MYPOP: variants seen among roughly 807,000 people sequenced by gnomAD.
The protein encoded by MYPOP is Myb related transcription factor, partner of profilin.
MYPOP carries 21 observed loss-of-function variants against 25.7 expected under a neutral mutation model. The observed-to-expected ratio is 0.82, with a 90% CI of 0.58 to 1.18. The LOEUF is 1.18. Ranked by LOEUF, MYPOP falls within the 50% of genes most tolerant of loss-of-function variation. The pLI is 0.00. For missense variants in MYPOP, 566 were observed against 588.3 expected (o/e 0.96, Z 0.39); for synonymous variants, 280 against 247.9 (o/e 1.13, Z -1.22).
At chr19:45,893,968 T>A (rs555146801) in intron 2 of MYPOP, among the ~76,000 whole-genome samples, 1 of 149,614 alleles carries the variant, frequency 6.7e-6, no homozygotes, top group South Asian at 2.1e-4. Context: ...TTTTTGTATT[T>A]TTAGTAGAGA....
In MYPOP at chr19:45,891,228, C is replaced by T. The variant is rs766567804; in HGVS notation, c.595G>A (p.Glu199Lys). 75 of 1,541,708 alleles carry T rather than the reference C, an allele frequency of 4.9e-5. 2 individuals carry two copies. The South Asian group carries it at 8.1e-4, about 17-fold the overall frequency. ...GCCGAAGGGGGTGGTGACTCACGCT[C>T]CTTGGGCCGTGGGCAGCCCCCTTCC... ...PQEGGCPRPK[E>K]RESPPPSALQ... Residue 199 changes from glutamate (E) to lysine (K), a missense_variant, in exon 3 of 3, where the codon GAG becomes AAG. Coordinates refer to ENST00000322217, the MANE Select transcript of MYPOP (RefSeq NM_001012643.4).
chr19:45,898,809 T>A (rs1322731080), intron 2 of MYPOP, among the ~76,000 whole-genome samples: 2 of 152,190 alleles, frequency 1.3e-5, no homozygotes, highest in Non-Finnish European at 2.9e-5. Flanking sequence ...CCTGTCTGTA[T>A]AGCCCCCTTC....
At chr19:45,891,572 G>A (rs1367321918) in intron 2 of MYPOP, among the ~76,000 whole-genome samples, 1 of 151,904 alleles carries the variant, frequency 6.6e-6, no homozygotes, top group Non-Finnish European at 1.5e-5. Context: ...GAGTAGCTGG[G>A]ATTTCAGGTG....
In MYPOP at chr19:45,901,112, C is replaced by T. The variant is rs139256488; in HGVS notation, c.499+163G>A. On this transcript the variant is annotated intron_variant, in intron 2 of 2. Transcript: ENST00000322217. The surrounding 1 kb of genome is among the most constrained non-coding windows in gnomAD (Gnocchi z 5.7). ...CTGGCTCTTGACAGTTACTAGCTAT[C>T]GGAACTGAGGCAAGTCATTTCATTT... Among the ~76,000 whole-genome samples, 2 of 152,194 alleles carry T rather than the reference C, an allele frequency of 1.3e-5. No individual in the cohort carries two copies. Among genetic ancestry groups the T allele is most frequent in the Non-Finnish European group, 2.9e-5 (2 of 68,036 alleles).
At position 45,901,797 on chromosome 19, in the gene MYPOP, T is replaced by G. The variant is rs1967300569; in HGVS notation, c.-24A>C. ...ATGGCGCCCCCCGACGCCGCCGTCC[T>G]GCCGTCTGGCGCATGGGGGGCGCCG... On this transcript the variant is annotated 5_prime_UTR_variant, in exon 2 of 3. Transcript: ENST00000322217. The surrounding 1 kb of genome is among the most constrained non-coding windows in gnomAD (Gnocchi z 5.7). 7.2e-7 allele frequency: 1 copy of G among 1,384,382 alleles called. No homozygotes were observed. Among genetic ancestry groups the G allele is most frequent in the South Asian group, 1.6e-5 (1 of 61,738 alleles). 85.8% of individuals were successfully genotyped at this position (1,384,382 alleles called of 1,614,324 possible).
At chr19:45,893,022 C>A (rs1568642287) in intron 2 of MYPOP, among the ~76,000 whole-genome samples, 2 of 152,230 alleles carry the variant, frequency 1.3e-5, no homozygotes, top group African/African-American at 4.8e-5. Flanking sequence ...GCCTGTAATC[C>A]CAGCACTTTG....
At position 45,901,321 on chromosome 19, in the gene MYPOP, A is replaced by G. The variant is rs10423899; in HGVS notation, c.453T>C (p.Pro151=). 0.81 allele frequency: 1,179,732 copies of G among 1,459,040 alleles called. 478,006 individuals are homozygous for G. Among genetic ancestry groups the G allele is most frequent in the East Asian group, 1 (39,083 of 39,116 alleles). The allele number at this position is 1,459,040 out of a possible 1,614,324, so 90.4% of individuals were successfully genotyped here. ...GGTCTTCCGACAACACGTAGCGCTG[A>G]GGGCAGGCGCTTGGGGGCGGCGGCT... ...SSQPPPPSAC[P]QRYVLSEDRR... Residue 151 remains proline, a synonymous_variant, in exon 2 of 3, where the codon CCT becomes CCC. Transcript: ENST00000322217. This position sits in a 1 kb window ranked among gnomAD's most constrained non-coding sequence, Gnocchi z 5.7.
chr19:45,891,393 C>G lies in MYPOP; in HGVS notation c.500-70G>C, dbSNP rs529740894. 34 of 1,400,306 alleles carry G rather than the reference C, an allele frequency of 2.4e-5. No individual in the cohort carries two copies. In the African/African-American group the frequency reaches 4.8e-4, roughly 20 times the overall value. 86.7% of individuals were successfully genotyped at this position (1,400,306 alleles called of 1,614,324 possible). On this transcript the variant is annotated intron_variant, in intron 2 of 2. Coordinates refer to ENST00000322217, the MANE Select transcript of MYPOP (RefSeq NM_001012643.4). ...CTGCCTTGATTTCCCCTTTCCCACT[C>G]CTTCCCTCACCTCCCCCCTACCCGA...
chr19:45,891,038 A>C lies in MYPOP; in HGVS notation c.785T>G (p.Phe262Cys), dbSNP rs1967114462. Reference sequence around the variant, plus strand: ...GGCAGTCTCCTGCTGGGCCCGCAGGAAGTCCAGGGAGGGGTCTGAGGCCGA... The same window carrying C: ...GGCAGTCTCCTGCTGGGCCCGCAGGCAGTCCAGGGAGGGGTCTGAGGCCGA... ...TLSASDPSLD[F>C]LRAQQETANA... Residue 262 changes from phenylalanine to cysteine, a missense_variant, in exon 3 of 3, where the codon TTC becomes TGC. Physicochemically the swap from Phe to Cys is radical, Grantham distance 205 (BLOSUM62 -2). Coordinates refer to ENST00000322217, the MANE Select transcript of MYPOP (RefSeq NM_001012643.4). 6.6e-7 allele frequency: 1 copy of C among 1,512,002 alleles called. No homozygotes were observed. Among genetic ancestry groups the C allele is most frequent in the African/African-American group, 1.4e-5 (1 of 70,534 alleles). 93.7% of individuals were successfully genotyped at this position (1,512,002 alleles called of 1,614,324 possible).
chr19:45,898,744 T>G (rs150478688), intron 2 of MYPOP, among the ~76,000 whole-genome samples: 127 of 152,242 alleles, frequency 8.3e-4, no homozygotes, highest in African/African-American at 2.7e-3. Context: ...TCAGGCCTAC[T>G]CTATTCCCAT....
At position 45,892,854 on chromosome 19, in the gene MYPOP, T is replaced by C. The variant is rs547836449; in HGVS notation, c.500-1531A>G. Among the ~76,000 whole-genome samples, 4 of 152,322 alleles carry C rather than the reference T, an allele frequency of 2.6e-5. No individual in the cohort carries two copies. In the South Asian group the frequency reaches 8.3e-4, roughly 32 times the overall value. On this transcript the variant is annotated intron_variant, in intron 2 of 2. Coordinates refer to ENST00000322217, the MANE Select transcript of MYPOP (RefSeq NM_001012643.4). ...GGCTCTCTGCTTCCACCCCTGTCCCTGACAGTATCTTTTTCCACCAGCAGC... is the reference window on the plus strand; with the variant it reads ...GGCTCTCTGCTTCCACCCCTGTCCCCGACAGTATCTTTTTCCACCAGCAGC...
chr19:45,898,225 C>T (rs1967235179), intron 2 of MYPOP, among the ~76,000 whole-genome samples: 1 of 151,936 alleles, frequency 6.6e-6, no homozygotes, highest in South Asian at 2.1e-4. Flanking sequence ...GCAGCTGGCC[C>T]TCAGTTTCCC....
chr19:45,893,939 G>A (rs1324817210), intron 2 of MYPOP, among the ~76,000 whole-genome samples: 74 of 127,550 alleles, frequency 5.8e-4, no homozygotes, highest in Middle Eastern at 5.3e-3. Context: ...ACAGGCGCCC[G>A]CCACCACGCC....
In MYPOP at chr19:45,890,721, G is replaced by GGGGGGGGC; in HGVS notation, c.1101_1102insGCCCCCCC (p.Pro368AlafsTer41). ...TGCGGAGGGAGCGGGGCTGGGGGGG[G>GGGGGGGGC]CCGGGGTGCCCCCTCCTCGCTCCTT... is the stretch of plus-strand genomic sequence containing the variant. On this transcript the variant is annotated frameshift_variant, in exon 3 of 3. Coordinates refer to ENST00000322217, the MANE Select transcript of MYPOP (RefSeq NM_001012643.4). LOFTEE classifies it high-confidence loss of function. The GGGGGGGGC allele has an allele frequency of 1.4e-6, 2 of 1,418,510 alleles. No individual in the cohort carries two copies. Among genetic ancestry groups the GGGGGGGGC allele is most frequent in the Non-Finnish European group, 1.9e-6 (2 of 1,026,512 alleles). The allele number at this position is 1,418,510 out of a possible 1,614,324, so 87.9% of individuals were successfully genotyped here. A position where few individuals can be genotyped will look rare whatever the true frequency, so the allele number is the denominator to read the frequency against.
In MYPOP at chr19:45,900,458, C is replaced by T. The variant is rs568525813; in HGVS notation, c.499+817G>A. ...GAAGCCCTCCTGGACCACCCCCCCCCCCACCGAAATCAGAAACCCTCTCTG... is the reference window on the plus strand; with the variant it reads ...GAAGCCCTCCTGGACCACCCCCCCCTCCACCGAAATCAGAAACCCTCTCTG... On this transcript the variant is annotated intron_variant, in intron 2 of 2. Transcript: ENST00000322217. Among the ~76,000 whole-genome samples, 94 of 147,072 alleles carry T rather than the reference C, an allele frequency of 6.4e-4. 2 individuals carry two copies. Among genetic ancestry groups the T allele is most frequent in the Non-Finnish European group, 3.5e-4 (23 of 66,340 alleles).
At position 45,901,480 on chromosome 19, in the gene MYPOP, C is replaced by G; in HGVS notation, c.294G>C (p.Thr98=). 1 of 1,606,300 alleles carries G rather than the reference C, an allele frequency of 6.2e-7. No homozygotes were observed. The highest frequency in any genetic ancestry group is 8.5e-7 in the Non-Finnish European group (1 of 1,176,906). Residue 98 remains threonine (T), a synonymous_variant, in exon 2 of 3, where the codon ACG becomes ACC. Coordinates refer to ENST00000322217, the MANE Select transcript of MYPOP (RefSeq NM_001012643.4). This position sits in a 1 kb window ranked among gnomAD's most constrained non-coding sequence, Gnocchi z 5.7. ...CCTCCGCGGCGGGCCCGGCGCCCTG[C>G]GTGGAGTGCGGCACGCGAGCGAGCT... ...KEKLARVPHS[T]QGAGPAAEDA...
chr19:45,898,938 A>C (rs1043623325), intron 2 of MYPOP, among the ~76,000 whole-genome samples: 3 of 152,106 alleles, frequency 2.0e-5, no homozygotes, highest in Non-Finnish European at 2.9e-5. Flanking sequence ...ATAGAATGTC[A>C]GCTCCAGGTC....
chr19:45,896,517 C>T (rs1044453300), intron 2 of MYPOP, among the ~76,000 whole-genome samples: 1 of 152,118 alleles, frequency 6.6e-6, no homozygotes, highest in African/African-American at 2.4e-5. Flanking sequence ...CCATGATCAT[C>T]GCCCCATTTT....
rs1441783732 is a variant in MYPOP, at chr19:45,901,445, G to C, written c.329C>G (p.Ser110Cys). ...GGCAAAAATGGTCTCCTCTTCCGCG[G>C]AGAAAGCGTCCTCCGCGGCGGGCCC... ...GAGPAAEDAF[S>C]AEEETIFAIL... is the part of the protein sequence containing the mutation. Residue 110 changes from serine to cysteine, a missense_variant, in exon 2 of 3, where the codon TCC becomes TGC. Transcript: ENST00000322217. This position sits in a 1 kb window ranked among gnomAD's most constrained non-coding sequence, Gnocchi z 5.7. The C allele has an allele frequency of 3.1e-6, 5 of 1,594,044 alleles. No homozygotes were observed. The highest frequency in any genetic ancestry group is 4.3e-6 in the Non-Finnish European group (5 of 1,170,264).
Sources: gnomAD v4.1 joint callset for allele counts (sites outside exome capture counted in the v4.1 genomes callset) on GRCh38, gnomAD v4.1.1 for gene constraint, Gnocchi (gnomAD v3.1) non-coding constraint, MANE v1.5 for transcripts, NCBI Gene and HGNC (gene_info 2026-07-23, HGNC 2026-07-21) for gene names.